The following PIK3R1 variants were observed in gnomAD, a reference collection of about 807,000 sequenced individuals.
The protein encoded by PIK3R1 is phosphoinositide-3-kinase regulatory subunit 1.
In PIK3R1, 29 loss-of-function variants were observed where a neutral mutation model predicts 98.0. The observed-to-expected ratio is 0.30, with a 90% CI of 0.22 to 0.40. The LOEUF (loss-of-function observed/expected upper bound fraction) is 0.40, where lower values mean the gene tolerates loss of function less well. Ranked by LOEUF, PIK3R1 falls within the 10% of genes least tolerant of loss-of-function variation. The pLI is 1.00. For synonymous variants in PIK3R1, 282 were observed against 311.8 expected, an observed-to-expected ratio of 0.90 and a Z score of 1.01; for missense variants, 596 against 872.7, an observed-to-expected ratio of 0.68 and a Z score of 3.99.
chr5:68,269,799 C>G (rs534177647), intron 2 of PIK3R1, among the ~76,000 whole-genome samples: 21 of 151,984 alleles, frequency 1.4e-4, no homozygotes, highest in Non-Finnish European at 2.9e-4. Context: ...CTTTCACATT[C>G]ACCATGTCTA....
At chr5:68,284,691 C>T (rs1024641617) in intron 7 of PIK3R1, among the ~76,000 whole-genome samples, 2 of 152,196 alleles carry the variant, frequency 1.3e-5, no homozygotes, top group African/African-American at 4.8e-5. Context: ...TGCTTAATTA[C>T]ATTTCTAAAG....
chr5:68,245,320 T>TA lies in PIK3R1; in HGVS notation c.334+18320dup, dbSNP rs78923816. ...AATTTAGACAAATATGCTTTTTTTTTAAAAAAAAATAGTTGAGTTTTAAAT... is the reference window on the plus strand; with the variant it reads ...AATTTAGACAAATATGCTTTTTTTTTAAAAAAAAAATAGTTGAGTTTTAAAT... On this transcript the variant is annotated intron_variant, in intron 2 of 15. Coordinates refer to ENST00000521381, the MANE Select transcript of PIK3R1 (RefSeq NM_181523.3). Among the ~76,000 whole-genome samples, 593 of 151,564 alleles carry TA rather than the reference T, an allele frequency of 3.9e-3. 2 individuals are homozygous for TA. The highest frequency in any genetic ancestry group is 6.8e-3 in the Middle Eastern group (2 of 294).
chr5:68,235,643 G>A (rs1055778707), intron 2 of PIK3R1, among the ~76,000 whole-genome samples: 2 of 152,012 alleles, frequency 1.3e-5, no homozygotes, highest in African/African-American at 4.8e-5. Context: ...TTTTGATTCA[G>A]AAGTATTTGA....
intron 2 of PIK3R1, among the ~76,000 whole-genome samples, chr5:68,243,267 C>CT (rs1744938551): frequency 6.6e-6 from 1 of 152,180 alleles, no homozygotes; most frequent in African/African-American, 2.4e-5. Context: ...ACTAGGGTCT[C>CT]TGACTGTTAA....
At chr5:68,221,063 T>C (rs1405212993) in intron 1 of PIK3R1, among the ~76,000 whole-genome samples, 3 of 152,192 alleles carry the variant, frequency 2.0e-5, no homozygotes, top group African/African-American at 4.8e-5. Context: ...GGAATGGGCT[T>C]GTTATAAACT....
chr5:68,259,470 G>A (rs1257292951), intron 2 of PIK3R1, among the ~76,000 whole-genome samples: 1 of 152,148 alleles, frequency 6.6e-6, no homozygotes, highest in Non-Finnish European at 1.5e-5. Flanking sequence ...CTGCTAGAAG[G>A]CATGACTATG....
At chr5:68,271,457 A>T (rs1232412234) in intron 2 of PIK3R1, among the ~76,000 whole-genome samples, 1 of 152,220 alleles carries the variant, frequency 6.6e-6, no homozygotes, top group Non-Finnish European at 1.5e-5. Context: ...GATCTCTAAC[A>T]CAAAGCTGAC....
intron 1 of PIK3R1, among the ~76,000 whole-genome samples, chr5:68,221,324 T>C (rs72757648): frequency 0.018 from 2,796 of 152,336 alleles, 36 homozygotes; most frequent in East Asian, 0.035. Context: ...AGGTAAACCA[T>C]TTTTAAATAA....
intron 2 of PIK3R1, among the ~76,000 whole-genome samples, chr5:68,252,668 G>A (rs1745362396): frequency 6.6e-6 from 1 of 152,044 alleles, no homozygotes; most frequent in Admixed American, 6.6e-5. Flanking sequence ...AATTTTCAAG[G>A]GATTTACTGA....
At chr5:68,295,345 C>T (rs2112277562) in intron 13 of PIK3R1, 21 bp downstream of exon 13, 2 of 1,612,866 alleles carry the variant, frequency 1.2e-6, no homozygotes, top group Non-Finnish European at 1.7e-6. Flanking sequence ...GAAATGGAAT[C>T]CTATACATGA....
At chr5:68,262,403 T>TATAC (rs33968242) in intron 2 of PIK3R1, among the ~76,000 whole-genome samples, 5,072 of 140,522 alleles carry the variant, frequency 0.036, 177 homozygotes, top group African/African-American at 0.092. Flanking sequence ...TATATATATA[T>TATAC]ACACACACGC....
At chr5:68,288,519 G>C (rs1469228238) in intron 7 of PIK3R1, 2 of 1,355,628 alleles carry the variant, frequency 1.5e-6, no homozygotes, top group Admixed American at 3.8e-5. Context: ...GGGACGAGCC[G>C]AGCCGAGCCA....
chr5:68,226,176 C>G (rs924898092), intron 1 of PIK3R1, 114 bp from the exon 2 acceptor site: 11 of 353,584 alleles, frequency 3.1e-5, no homozygotes, highest in African/African-American at 2.3e-4. Context: ...GCACACTGGC[C>G]TGTGTCTGTC....
At chr5:68,294,960 T>TA (rs1438841486) in intron 12 of PIK3R1, among the ~76,000 whole-genome samples, 188 bp from the exon 13 acceptor site, 1 of 82,354 alleles carries the variant, frequency 1.2e-5, no homozygotes, top group Non-Finnish European at 2.5e-5. Context: ...TAAAGTATAA[T>TA]AAAAATAAAA....
chr5:68,280,551 A>G lies in PIK3R1; in HGVS notation c.658A>G (p.Ile220Val). 6.2e-7 allele frequency: 1 copy of G among 1,609,316 alleles called. No homozygotes were observed. Among genetic ancestry groups the G allele is most frequent in the Non-Finnish European group, 8.5e-7 (1 of 1,176,828 alleles). ...APEVQSSEEY[I>V]QLLKKLIRSP... ...AGAAGTACAAAGCTCCGAAGAATAT[A>G]TTCAGCTATTGAAGAAGCTTATTAG... The change falls in exon 6 of 16, where the codon ATT becomes GTT. Residue 220 changes from isoleucine (I) to valine (V), a missense_variant. Ile to Val is a conservative substitution (Grantham distance 29). This residue lies in a region of PIK3R1 where 352 missense variants were observed against 393.3 expected (regional missense o/e 0.90). Transcript: ENST00000521381.
intron 7 of PIK3R1, 104 bp from the exon 8 acceptor site, chr5:68,292,155 A>G: frequency 1.5e-6 from 1 of 645,436 alleles, no homozygotes; most frequent in South Asian, 2.1e-5. Flanking sequence ...TATATATTTC[A>G]GTTACTCTAA....
At chr5:68,226,108 G>A (rs750416421) in intron 1 of PIK3R1, among the ~76,000 whole-genome samples, 182 bp from the exon 2 acceptor site, 2 of 151,904 alleles carry the variant, frequency 1.3e-5, no homozygotes, top group African/African-American at 2.4e-5. Flanking sequence ...CTCTGCCCCC[G>A]CCCGGTGTTC....
chr5:68,279,512 T>C, intron 4 of PIK3R1, 90 bp from the exon 5 acceptor site: 1 of 886,082 alleles, frequency 1.1e-6, no homozygotes, highest in South Asian at 1.8e-5. Context: ...TTTTTTTTTG[T>C]CACATGTGAG....
chr5:68,217,355 C>A (rs1047888599), intron 1 of PIK3R1: 2 of 152,094 alleles, frequency 1.3e-5, no homozygotes, highest in African/African-American at 2.4e-5. Flanking sequence ...CAGACAGGTT[C>A]ATTTCTTAAG....
Sources: allele counts gnomAD v4.1 joint callset (sites outside exome capture counted in the v4.1 genomes callset), GRCh38; gene constraint gnomAD v4.1.1; regional missense constraint gnomAD v4.1.1; transcripts MANE v1.5; gene names NCBI Gene and HGNC (gene_info 2026-07-23, HGNC 2026-07-21).